Variants in TMC1 observed in about 807,000 individuals in gnomAD.
TMC1 encodes the protein transmembrane channel like 1.
Under a neutral mutation model 105.8 loss-of-function variants are expected in TMC1, and 84 were observed. The observed-to-expected ratio is 0.79, with a 90% CI of 0.67 to 0.95. TMC1 has a LOEUF of 0.95. TMC1 is among the 40% of genes least tolerant of loss of function. TMC1 has a pLI of 0.00. For synonymous variants in TMC1, 315 were observed against 311.5 expected, an observed-to-expected ratio of 1.01 and a Z score of -0.12; for missense variants, 817 against 914.1, an observed-to-expected ratio of 0.89 and a Z score of 1.37.
chr9:72,668,712 A>C (rs1273465191), intron 5 of TMC1, among the ~76,000 whole-genome samples: 1 of 152,160 alleles, frequency 6.6e-6, no homozygotes, highest in Non-Finnish European at 1.5e-5. Flanking sequence ...TTAATATTTT[A>C]TGGCATTGGC....
chr9:72,728,256 T>C (rs925713386), intron 8 of TMC1, among the ~76,000 whole-genome samples: 14 of 152,106 alleles, frequency 9.2e-5, no homozygotes, highest in African/African-American at 3.1e-4. Flanking sequence ...GTTTCTAGGA[T>C]GGCAAATGAT....
At chr9:72,774,767 C>T (rs1418050477) in intron 13 of TMC1, among the ~76,000 whole-genome samples, 1 of 152,058 alleles carries the variant, frequency 6.6e-6, no homozygotes, top group Non-Finnish European at 1.5e-5. Context: ...CACCACCAGC[C>T]CATGGGAGAA....
chr9:72,824,619 A>G (rs1367330411), intron 20 of TMC1, among the ~76,000 whole-genome samples: 2 of 152,136 alleles, frequency 1.3e-5, no homozygotes, highest in Admixed American at 6.5e-5. Context: ...CCCTCTACCA[A>G]CTGAGTCTGT....
rs191182640 is a variant in TMC1, at chr9:72,532,764, T to G, written c.-428+10851T>G. The stretch of plus-strand genomic sequence containing the variant: ...AGTGCAATAGTGTATTTTAATTTCT[T>G]TGGTTAGATTCAAATTAATCTTCAG... On this transcript the variant is annotated intron_variant, in intron 1 of 23. Transcript: ENST00000297784. Among the ~76,000 whole-genome samples, 42 of 152,260 alleles carry G rather than the reference T, an allele frequency of 2.8e-4. No individual in the cohort carries two copies. In the East Asian group the frequency reaches 4.0e-3, roughly 15 times the overall value.
intron 8 of TMC1, among the ~76,000 whole-genome samples, chr9:72,726,291 A>C (rs1827124757): frequency 6.6e-6 from 1 of 152,200 alleles, no homozygotes; most frequent in Admixed American, 6.5e-5. Flanking sequence ...ATATGTGTGC[A>C]TGTACATATA....
chr9:72,543,079 A>G (rs1823705448), intron 1 of TMC1, among the ~76,000 whole-genome samples: 1 of 152,284 alleles, frequency 6.6e-6, no homozygotes, highest in South Asian at 2.1e-4. Context: ...GTGTCATGTT[A>G]CATTTTATCT....
At chr9:72,768,238 C>T (rs1827869311) in intron 12 of TMC1, among the ~76,000 whole-genome samples, 1 of 151,936 alleles carries the variant, frequency 6.6e-6, no homozygotes, top group African/African-American at 2.4e-5. Context: ...AAACCAAACA[C>T]CACATGTTCT....
chr9:72,643,688 C>A (rs1825663725), intron 4 of TMC1, among the ~76,000 whole-genome samples: 1 of 152,066 alleles, frequency 6.6e-6, no homozygotes, highest in East Asian at 1.9e-4. Context: ...GCAATTTATT[C>A]ATTTGTGAAT....
chr9:72,830,416 T>G (rs1829020409), intron 21 of TMC1, 35 bp from the exon 22 acceptor site: 1 of 1,444,186 alleles, frequency 6.9e-7, no homozygotes, highest in East Asian at 2.3e-5. Flanking sequence ...AACTGAAATA[T>G]ACCTTACACT....
At chr9:72,817,035 T>A (rs1218916913) in intron 19 of TMC1, 1 of 152,178 alleles carries the variant, frequency 6.6e-6, no homozygotes, top group East Asian at 1.9e-4. Context: ...TATTCACAAG[T>A]GCCGGTATAG....
chr9:72,798,964 A>G (rs2118218653), intron 17 of TMC1, among the ~76,000 whole-genome samples: 1 of 152,204 alleles, frequency 6.6e-6, no homozygotes, highest in South Asian at 2.1e-4. Context: ...TTTCATGATG[A>G]TTTTGTAAAT....
intron 3 of TMC1, among the ~76,000 whole-genome samples, chr9:72,622,396 C>T (rs1014876467): frequency 1.3e-5 from 2 of 152,138 alleles, no homozygotes; most frequent in African/African-American, 4.8e-5. Context: ...TAGTTACTAT[C>T]TCTCTGAAGA....
intron 17 of TMC1, among the ~76,000 whole-genome samples, chr9:72,800,362 G>C (rs747402159): frequency 1.1e-4 from 17 of 152,176 alleles, no homozygotes; most frequent in Non-Finnish European, 1.8e-4. Flanking sequence ...GCACATCCTA[G>C]AACACAGGTT....
chr9:72,525,365 A>G (rs192242405), intron 1 of TMC1, among the ~76,000 whole-genome samples: 1 of 152,164 alleles, frequency 6.6e-6, no homozygotes, highest in Non-Finnish European at 1.5e-5. Context: ...AGCACGCTTC[A>G]TTGGCTAAAA....
intron 8 of TMC1, 25 bp downstream of exon 8, chr9:72,700,668 G>A: frequency 6.6e-7 from 1 of 1,524,306 alleles, no homozygotes; most frequent in Non-Finnish European, 8.9e-7. Context: ...TTTATAAGTA[G>A]AAACACTTTC....
chr9:72,706,347 C>G (rs1194909014), intron 8 of TMC1, among the ~76,000 whole-genome samples: 1 of 152,196 alleles, frequency 6.6e-6, no homozygotes, highest in Non-Finnish European at 1.5e-5. Context: ...AACACACCCA[C>G]CAACATACCC....
intron 5 of TMC1, among the ~76,000 whole-genome samples, chr9:72,665,525 A>C (rs1468497612): frequency 6.6e-6 from 1 of 152,234 alleles, no homozygotes; most frequent in Non-Finnish European, 1.5e-5. Flanking sequence ...CACACATAGA[A>C]TATCAAATCC....
chr9:72,622,984 G>A (rs895348407), intron 3 of TMC1, among the ~76,000 whole-genome samples: 13 of 151,226 alleles, frequency 8.6e-5, no homozygotes, highest in Admixed American at 6.6e-5. Flanking sequence ...CCCGGGTGTC[G>A]GAGGTTGCAG....
At chr9:72,759,497 G>C (rs776911891) in intron 12 of TMC1, among the ~76,000 whole-genome samples, 1 of 152,112 alleles carries the variant, frequency 6.6e-6, no homozygotes, top group Non-Finnish European at 1.5e-5. Flanking sequence ...AGGTAGATAT[G>C]ACTATTCCTA....
Sources: gnomAD v4.1 joint callset for allele counts (sites outside exome capture counted in the v4.1 genomes callset) on GRCh38, gnomAD v4.1.1 for gene constraint, MANE v1.5 for transcripts, NCBI Gene and HGNC (gene_info 2026-07-23, HGNC 2026-07-21) for gene names.